WDR41: variants seen among roughly 807,000 people sequenced by gnomAD.
WDR41 encodes WD repeat-containing protein 41.
WDR41 carries 63 observed loss-of-function variants against 69.3 expected under a neutral mutation model. The ratio of observed to expected loss-of-function variants is 0.91; its 90% CI spans 0.74 to 1.12. The LOEUF is 1.12. Among genes scored for constraint, WDR41 ranks in the 50% most tolerant of loss-of-function variants. The pLI is 0.00. For missense variants in WDR41, 543 were observed against 534.5 expected, an observed-to-expected ratio of 1.02 and a Z score of -0.16; for synonymous variants, 185 against 192.1, an observed-to-expected ratio of 0.96 and a Z score of 0.31.
intron 1 of WDR41, among the ~76,000 whole-genome samples, chr5:77,614,319 T>C (rs1356250634): frequency 6.6e-6 from 1 of 151,836 alleles, no homozygotes; most frequent in Non-Finnish European, 1.5e-5. Context: ...GGACTATAAA[T>C]CATGCCGCTA....
At chr5:77,572,691 C>T (rs558208371) in intron 1 of WDR41, among the ~76,000 whole-genome samples, 2 of 152,296 alleles carry the variant, frequency 1.3e-5, no homozygotes, top group African/African-American at 4.8e-5. Context: ...GACCACCTTC[C>T]CCACTATAGT....
Position 77,449,869 on chromosome 5 carries a change from T to A in WDR41, c.588A>T (p.Ile196=), listed in dbSNP as rs367764659. The A allele has an allele frequency of 1.9e-6, 3 of 1,601,924 alleles. No individual in the cohort carries two copies. The African/African-American group carries it at 4.0e-5, about 21-fold the overall frequency. Reference sequence around the variant, plus strand: ...CTGTGGGTGCTACCAACCTGAAAATTACTAAATGAAAAAGACAGATAAAAT... The same window carrying A: ...CTGTGGGTGCTACCAACCTGAAAATAACTAAATGAAAAAGACAGATAAAAT... The part of the protein sequence containing the change: ...CVVAAVGKEL[I]IFRLVAPTEG... The change falls in exon 8 of 13, where the codon ATA becomes ATT. Residue 196 remains isoleucine, a splice_region_variant and synonymous_variant. Transcript: ENST00000296679.
At position 77,533,719 on chromosome 5, in the gene WDR41, A is replaced by C. The variant is rs113320959; in HGVS notation, c.43-44147T>G. Among the ~76,000 whole-genome samples, 565 of 152,320 alleles carry C rather than the reference A, an allele frequency of 3.7e-3. 2 individuals carry two copies. Among genetic ancestry groups the C allele is most frequent in the African/African-American group, 0.013 (527 of 41,564 alleles). On this transcript the variant is annotated intron_variant, in intron 1 of 5. Coordinates refer to the WDR41 transcript ENST00000509971. ...CTCCTAAGGTTCAAAGGAGAAACAA[A>C]AGAGTAAAATAATATACTAATATTG...
intron 8 of WDR41, among the ~76,000 whole-genome samples, chr5:77,442,373 C>T (rs1022793753): frequency 1.3e-5 from 2 of 151,952 alleles, no homozygotes; most frequent in African/African-American, 4.8e-5. Context: ...ACAATATAAA[C>T]TTAGATATGG....
chr5:77,436,532 C>G (rs1161451422), intron 11 of WDR41, 138 bp from the exon 12 acceptor site: 2 of 1,023,364 alleles, frequency 2.0e-6, no homozygotes, highest in Non-Finnish European at 2.8e-6. Context: ...GAGCACCGTG[C>G]TAGGGTTTTG....
At chr5:77,534,140 A>T (rs1299484693) in intron 1 of WDR41, among the ~76,000 whole-genome samples, 3 of 152,144 alleles carry the variant, frequency 2.0e-5, no homozygotes, top group Admixed American at 6.6e-5. Flanking sequence ...ATAGACACTT[A>T]AAAAAGTATT....
At chr5:77,589,599 G>C (rs562876599) in intron 1 of WDR41, among the ~76,000 whole-genome samples, 3 of 151,930 alleles carry the variant, frequency 2.0e-5, no homozygotes, top group African/African-American at 7.3e-5. Flanking sequence ...CATTTCTTAG[G>C]ATATATTCCT....
At chr5:77,611,027 T>C (rs1744538189) in intron 1 of WDR41, among the ~76,000 whole-genome samples, 1 of 152,098 alleles carries the variant, frequency 6.6e-6, no homozygotes, top group African/African-American at 2.4e-5. Context: ...TAAAACAGAC[T>C]TTAAACCAAC....
chr5:77,491,379 AC>A (rs1386932250), intron 1 of WDR41: 3 of 157,520 alleles, frequency 1.9e-5, no homozygotes, highest in African/African-American at 7.2e-5. Flanking sequence ...GCCCGCCTGC[AC>A]CCAGGTGATT....
At chr5:77,619,827 C>T (rs1031077006) in intron 1 of WDR41, among the ~76,000 whole-genome samples, 4 of 151,944 alleles carry the variant, frequency 2.6e-5, no homozygotes, top group South Asian at 2.1e-4. Context: ...CCCAGGGCTT[C>T]GCATAGGAGA....
At chr5:77,544,912 T>C (rs557694756) in intron 1 of WDR41, among the ~76,000 whole-genome samples, 36 of 152,214 alleles carry the variant, frequency 2.4e-4, no homozygotes, top group African/African-American at 8.7e-4. Context: ...ATACACCATA[T>C]GATAGGCCAC....
At chr5:77,548,292 T>A (rs1743234111) in intron 1 of WDR41, among the ~76,000 whole-genome samples, 1 of 152,144 alleles carries the variant, frequency 6.6e-6, no homozygotes, top group East Asian at 1.9e-4. Flanking sequence ...GGGACTTAAT[T>A]AAACTAAATA....
intron 1 of WDR41, among the ~76,000 whole-genome samples, chr5:77,562,463 A>G (rs1205887880): frequency 6.6e-6 from 1 of 152,218 alleles, no homozygotes; most frequent in Non-Finnish European, 1.5e-5. Context: ...TAACACAAAT[A>G]CCGATAATAT....
chr5:77,579,568 T>C (rs1044863227), intron 1 of WDR41, among the ~76,000 whole-genome samples: 2 of 152,138 alleles, frequency 1.3e-5, no homozygotes, highest in Admixed American at 6.5e-5. Flanking sequence ...GAATCCTATA[T>C]ACAGCAAAAG....
At chr5:77,533,881 T>TA (rs1340740148) in intron 1 of WDR41, among the ~76,000 whole-genome samples, 2 of 152,142 alleles carry the variant, frequency 1.3e-5, no homozygotes, top group East Asian at 3.8e-4. Context: ...TTCCACATAT[T>TA]AAAGAGCTGG....
chr5:77,598,644 C>CTTTTTTTTTTTTTTTTTTTTT (rs765785617), intron 1 of WDR41, among the ~76,000 whole-genome samples: 1 of 121,358 alleles, frequency 8.2e-6, no homozygotes, highest in Non-Finnish European at 1.8e-5. Context: ...AGTAAGTTTC[C>CTTTTTTTTTTTTTTTTTTTTT]TTTTTTTTTT....
intron 1 of WDR41, among the ~76,000 whole-genome samples, chr5:77,601,525 G>A (rs1411935473): frequency 6.6e-6 from 1 of 152,184 alleles, no homozygotes; most frequent in Non-Finnish European, 1.5e-5. Flanking sequence ...TAGACTGCAA[G>A]GAGGTTAGAG....
At chr5:77,602,165 G>A (rs1370494336) in intron 1 of WDR41, among the ~76,000 whole-genome samples, 2 of 148,512 alleles carry the variant, frequency 1.3e-5, no homozygotes, top group Non-Finnish European at 3.0e-5. Context: ...TTTAGATGGA[G>A]TTTCTCTCTT....
At chr5:77,465,785 A>C (rs1449129279) in intron 2 of WDR41, among the ~76,000 whole-genome samples, 1 of 151,588 alleles carries the variant, frequency 6.6e-6, no homozygotes, top group East Asian at 1.9e-4. Context: ...TGAATGACAT[A>C]TAACTGGCCC....
Sources: gnomAD v4.1 joint callset for allele counts (sites outside exome capture counted in the v4.1 genomes callset) on GRCh38, gnomAD v4.1.1 for gene constraint, MANE v1.5 for transcripts, NCBI Gene and HGNC (gene_info 2026-07-23, HGNC 2026-07-21) for gene names.